The following LDB3 variants were observed in gnomAD, a reference collection of about 807,000 sequenced individuals.
LDB3 encodes the protein LIM domain-binding protein 3.
In LDB3, 49 loss-of-function variants were observed where a neutral mutation model predicts 69.0. The ratio of observed to expected loss-of-function variants is 0.71; its 90% CI spans 0.56 to 0.90. The LOEUF is 0.90. Among genes scored for constraint, LDB3 ranks in the 40% least tolerant of loss-of-function variants. The probability of loss-of-function intolerance (pLI) is 0.00; values close to 1 mark genes in which losing one functional copy is unlikely to be tolerated. For missense variants in LDB3, 928 were observed against 974.1 expected (o/e 0.95, Z 0.63); for synonymous variants, 387 against 396.2 (o/e 0.98, Z 0.28).
intron 8 of LDB3, among the ~76,000 whole-genome samples, 153 bp downstream of exon 8, chr10:86,706,872 A>G (rs1485116621): frequency 6.6e-6 from 1 of 152,158 alleles, no homozygotes; most frequent in East Asian, 1.9e-4. Context: ...CAGAGTGTGA[A>G]GGGGAAACTG....
At chr10:86,710,142 C>G (rs1846591194) in intron 9 of LDB3, 92 bp downstream of exon 9, 4 of 1,561,730 alleles carry the variant, frequency 2.6e-6, no homozygotes, top group African/African-American at 1.4e-5. Context: ...GGGCACATCC[C>G]CAGAAGAATG....
chr10:86,713,796 C>A (rs1433202771), intron 9 of LDB3, among the ~76,000 whole-genome samples: 1 of 152,196 alleles, frequency 6.6e-6, no homozygotes, highest in Non-Finnish European at 1.5e-5. Flanking sequence ...AAAATCCATT[C>A]ACTATGTCAC....
At chr10:86,709,815 C>T in intron 8 of LDB3, 90 bp from the exon 9 acceptor site, 3 of 1,431,596 alleles carry the variant, frequency 2.1e-6, no homozygotes, top group South Asian at 2.3e-5. Context: ...CTCACAGAGG[C>T]TTCTGAAGAC....
At chr10:86,710,192 C>A in intron 9 of LDB3, 142 bp downstream of exon 9, 10 of 1,524,434 alleles carry the variant, frequency 6.6e-6, no homozygotes, top group Non-Finnish European at 8.8e-6. Context: ...CCCTCCGTCC[C>A]CTAGCTGTGG....
chr10:86,715,071 C>G (rs952052308), intron 9 of LDB3, among the ~76,000 whole-genome samples: 4 of 152,142 alleles, frequency 2.6e-5, no homozygotes, highest in African/African-American at 9.6e-5. Context: ...CCAGGCGGTC[C>G]AGGGGAACCA....
upstream of LDB3, among the ~76,000 whole-genome samples, chr10:86,667,899 A>G (rs150416416): frequency 6.6e-5 from 10 of 152,332 alleles, no homozygotes; most frequent in East Asian, 1.7e-3. Context: ...CCCAGGCTCC[A>G]GTGTGACCTG....
At chr10:86,696,321 C>CTT (rs137917288) in intron 7 of LDB3, among the ~76,000 whole-genome samples, 1 of 152,124 alleles carries the variant, frequency 6.6e-6, no homozygotes, top group African/African-American at 2.4e-5. Flanking sequence ...AATTACCTCT[C>CTT]TTTTTTGGAT....
At chr10:86,727,052 C>G (rs1056328037) in intron 13 of LDB3, among the ~76,000 whole-genome samples, 1 of 146,288 alleles carries the variant, frequency 6.8e-6, no homozygotes, top group African/African-American at 2.5e-5. Context: ...AGAGTTTCTG[C>G]TCTTGTTGCC....
chr10:86,680,437 G>T (rs1027078850), intron 4 of LDB3, among the ~76,000 whole-genome samples: 4 of 152,246 alleles, frequency 2.6e-5, no homozygotes, highest in African/African-American at 9.6e-5. Flanking sequence ...AAGCCAGCTT[G>T]GGCAGCAGTG....
Position 86,681,740 on chromosome 10 carries a change from A to C in LDB3, c.626A>C (p.Glu209Ala). ...CTGTACTCGGCAGAGACCCTGAGGG[A>C]GATGGCTCAGATGTACCAGATGAGC... ...IGLYSAETLR[E>A]MAQMYQMSLR... The change falls in exon 5 of 14, where the codon GAG becomes GCG. Residue 209 changes from glutamate (E) to alanine (A), a missense_variant. Transcript: ENST00000361373. 2 of 1,605,164 alleles carry C rather than the reference A, an allele frequency of 1.2e-6. No homozygotes were observed. Among genetic ancestry groups the C allele is most frequent in the Non-Finnish European group, 1.7e-6 (2 of 1,175,364 alleles).
At chr10:86,710,150 ATGG>A in intron 9 of LDB3, 100 bp downstream of exon 9, 4 of 1,551,116 alleles carry the variant, frequency 2.6e-6, no homozygotes, top group Non-Finnish European at 3.5e-6. Flanking sequence ...CCCCAGAAGA[ATGG>A]GAAGCAAGGC....
rs979420918 is a variant in LDB3, at chr10:86,699,607, C to A, written c.897-6924C>A. On this transcript the variant is annotated intron_variant, in intron 7 of 13. Coordinates refer to ENST00000361373, the MANE Select transcript of LDB3 (RefSeq NM_007078.3). The surrounding 1 kb of genome is among the most constrained non-coding windows in gnomAD (Gnocchi z 4.9). Reference sequence around the variant, plus strand: ...AACCTCCCCAGGGCAACCCTCGCCACCCCCCAAATAGCCCGTAGCCCAATC... The same window carrying A: ...AACCTCCCCAGGGCAACCCTCGCCAACCCCCAAATAGCCCGTAGCCCAATC... The A allele has an allele frequency of 1.9e-5, 26 of 1,388,146 alleles. No individual in the cohort carries two copies. Among genetic ancestry groups the A allele is most frequent in the Non-Finnish European group, 2.4e-5 (26 of 1,068,556 alleles). The allele number at this position is 1,388,146 out of a possible 1,614,324, so 86.0% of individuals were successfully genotyped here. A position where few individuals can be genotyped will look rare whatever the true frequency, so the allele number is the denominator to read the frequency against.
Position 86,733,537 on chromosome 10 carries a change from C to A in LDB3, c.*561C>A, listed in dbSNP as rs1259636980. The A allele has an allele frequency of 6.4e-6, 1 of 155,378 alleles. No individual in the cohort carries two copies. The highest frequency in any genetic ancestry group is 2.4e-5 in the African/African-American group (1 of 41,472). 9.6% of individuals were successfully genotyped at this position (155,378 alleles called of 1,614,324 possible). On this transcript the variant is annotated 3_prime_UTR_variant, in exon 14 of 14. Coordinates refer to ENST00000361373, the MANE Select transcript of LDB3 (RefSeq NM_007078.3). Reference sequence around the variant, plus strand: ...CTACCTCTGCGCATCAGACTTCAGACCTTGAACAAACTTAAAACCTTCTTG... The same window carrying A: ...CTACCTCTGCGCATCAGACTTCAGAACTTGAACAAACTTAAAACCTTCTTG...
rs963877743 is a variant in LDB3, at chr10:86,699,967, C to A, written c.897-6564C>A. On this transcript the variant is annotated intron_variant, in intron 7 of 13. Transcript: ENST00000361373. This position sits in a 1 kb window ranked among gnomAD's most constrained non-coding sequence, Gnocchi z 4.9. Reference sequence around the variant, plus strand: ...GGGGGCATGCACCCTCCTTTCTGTACCGTGTGTGCTGGCTCCATAGTTCTC... The same window carrying A: ...GGGGGCATGCACCCTCCTTTCTGTAACGTGTGTGCTGGCTCCATAGTTCTC... 2 of 996,738 alleles carry A rather than the reference C, an allele frequency of 2.0e-6. No individual in the cohort carries two copies. Among genetic ancestry groups the A allele is most frequent in the Non-Finnish European group, 2.4e-6 (2 of 835,998 alleles). 61.7% of individuals were successfully genotyped at this position (996,738 alleles called of 1,614,324 possible). A position where few individuals can be genotyped will look rare whatever the true frequency, so the allele number is the denominator to read the frequency against.
intron 12 of LDB3, among the ~76,000 whole-genome samples, chr10:86,724,024 T>C (rs544494981): frequency 6.6e-6 from 1 of 152,264 alleles, no homozygotes; most frequent in East Asian, 1.9e-4. Flanking sequence ...AAAATTGGAA[T>C]ACTAGGCTGG....
Position 86,716,832 on chromosome 10 carries a change from C to G in LDB3, c.1676+61C>G. The G allele has an allele frequency of 2.0e-6, 3 of 1,521,464 alleles. No individual in the cohort carries two copies. In the South Asian group the frequency reaches 3.6e-5, roughly 18 times the overall value. The allele number at this position is 1,521,464 out of a possible 1,614,324, so 94.2% of individuals were successfully genotyped here. On this transcript the variant is annotated intron_variant, in intron 10 of 13. Coordinates refer to ENST00000361373, the MANE Select transcript of LDB3 (RefSeq NM_007078.3). ...GAAGGGCGTGTGTGTGGGGTGCTTG[C>G]CCACAGTCTGAGCCCTGGTTGGGAG...
intron 8 of LDB3, among the ~76,000 whole-genome samples, chr10:86,709,385 G>A (rs372863424): frequency 6.6e-6 from 1 of 152,166 alleles, no homozygotes; most frequent in Non-Finnish European, 1.5e-5. Flanking sequence ...TTGGGGGAGA[G>A]GGGGGTGCCT....
intron 9 of LDB3, among the ~76,000 whole-genome samples, chr10:86,715,433 T>A (rs1846831355): frequency 6.6e-6 from 1 of 152,132 alleles, no homozygotes; most frequent in Non-Finnish European, 1.5e-5. Context: ...GAGAGGGCTG[T>A]GGGTAAGCAG....
chr10:86,680,195 TG>T (rs1845035200), intron 4 of LDB3, 38 bp downstream of exon 4: 1 of 1,588,734 alleles, frequency 6.3e-7, no homozygotes, highest in South Asian at 1.1e-5. Context: ...CACTCAGCCC[TG>T]GTTCCTGGAG....
Sources: gnomAD v4.1 joint callset for allele counts (sites outside exome capture counted in the v4.1 genomes callset) on GRCh38, gnomAD v4.1.1 for gene constraint, Gnocchi (gnomAD v3.1) non-coding constraint, MANE v1.5 for transcripts, NCBI Gene and HGNC (gene_info 2026-07-23, HGNC 2026-07-21) for gene names.